CSNK2A2IP: variants seen among roughly 807,000 people sequenced by gnomAD.
CSNK2A2IP encodes the protein casein kinase 2 subunit alpha' interacting protein.
chr3:88,355,599 A>G, the CSNK2A2IP span, among the ~76,000 whole-genome samples: 1 of 152,162 alleles, frequency 6.6e-6, no homozygotes, highest in Admixed American at 6.6e-5. Context: ...GTTTTTATTC[A>G]GTTAAAATAC....
the CSNK2A2IP span, among the ~76,000 whole-genome samples, chr3:88,379,369 C>T: frequency 6.6e-6 from 1 of 152,040 alleles, no homozygotes; most frequent in Non-Finnish European, 1.5e-5. Context: ...ATATACTGGA[C>T]ATTTATCTAA....
chr3:88,408,927 A>G, the CSNK2A2IP span, among the ~76,000 whole-genome samples: 5 of 151,994 alleles, frequency 3.3e-5, no homozygotes, highest in Non-Finnish European at 7.4e-5. Flanking sequence ...TTTAATCAAA[A>G]TAAGTCAGCC....
At chr3:88,410,632 G>A in the CSNK2A2IP span, among the ~76,000 whole-genome samples, 2 of 151,898 alleles carry the variant, frequency 1.3e-5, no homozygotes, top group Non-Finnish European at 2.9e-5. Flanking sequence ...ATCTCCTAAA[G>A]TTTAGTCATC....
chr3:88,405,338 C>G, the CSNK2A2IP span, among the ~76,000 whole-genome samples: 1 of 152,108 alleles, frequency 6.6e-6, no homozygotes, highest in Non-Finnish European at 1.5e-5. Context: ...GGAGACTGAT[C>G]TGTGTATCAA....
At chr3:88,466,453 A>C in the CSNK2A2IP span, 2 of 1,231,868 alleles carry the variant, frequency 1.6e-6, no homozygotes, top group Admixed American at 4.2e-5. Flanking sequence ...CCATCCAAAA[A>C]CAAACATCTC....
the CSNK2A2IP span, among the ~76,000 whole-genome samples, chr3:88,387,047 G>C: frequency 6.6e-6 from 1 of 152,120 alleles, no homozygotes; most frequent in Non-Finnish European, 1.5e-5. Flanking sequence ...ACATGAAGAT[G>C]AAAGTGAATA....
the CSNK2A2IP span, among the ~76,000 whole-genome samples, chr3:88,395,220 A>G: frequency 6.6e-6 from 1 of 152,146 alleles, no homozygotes; most frequent in Non-Finnish European, 1.5e-5. Context: ...CCAATTATCA[A>G]TTTTTATGGT....
chr3:88,456,848 G>A, the CSNK2A2IP span, among the ~76,000 whole-genome samples: 1 of 151,556 alleles, frequency 6.6e-6, no homozygotes, highest in South Asian at 2.1e-4. Context: ...AGACTGTTTT[G>A]GCTATTGCTG....
chr3:88,414,270 G>GTTTTT, the CSNK2A2IP span, among the ~76,000 whole-genome samples: 220 of 64,100 alleles, frequency 3.4e-3, 37 homozygotes, highest in African/African-American at 0.012. Flanking sequence ...TACCAACAAA[G>GTTTTT]TTTTTTTTTT....
chr3:88,393,427 A>C, the CSNK2A2IP span, among the ~76,000 whole-genome samples: 1 of 152,206 alleles, frequency 6.6e-6, no homozygotes, highest in Non-Finnish European at 1.5e-5. Context: ...GTAGTAGATA[A>C]TTTGTTGAAT....
chr3:88,391,552 C>T, the CSNK2A2IP span, among the ~76,000 whole-genome samples: 1 of 152,052 alleles, frequency 6.6e-6, no homozygotes, highest in Admixed American at 6.5e-5. Context: ...TTGTTTCATC[C>T]TTTGTTGTTC....
At chr3:88,362,733 G>C in the CSNK2A2IP span, among the ~76,000 whole-genome samples, 1 of 152,144 alleles carries the variant, frequency 6.6e-6, no homozygotes. Context: ...TTTCAGTTTA[G>C]GTGGATCTAG....
At chr3:88,379,888 ATC>A in the CSNK2A2IP span, among the ~76,000 whole-genome samples, 11 of 152,122 alleles carry the variant, frequency 7.2e-5, no homozygotes, top group Non-Finnish European at 1.3e-4. Context: ...TGCTAAGGCT[ATC>A]TCATGCAGAT....
the CSNK2A2IP span, among the ~76,000 whole-genome samples, chr3:88,377,017 CA>C: frequency 6.6e-6 from 1 of 151,738 alleles, no homozygotes; most frequent in Non-Finnish European, 1.5e-5. Context: ...ATTTTACCTA[CA>C]AAAAGAAGGC....
At chr3:88,447,246 G>A in the CSNK2A2IP span, among the ~76,000 whole-genome samples, 3 of 152,064 alleles carry the variant, frequency 2.0e-5, no homozygotes, top group African/African-American at 7.2e-5. Flanking sequence ...TGATTTTCAA[G>A]TTATGAATAT....
chr3:88,413,703 C>T, the CSNK2A2IP span, among the ~76,000 whole-genome samples: 3 of 151,904 alleles, frequency 2.0e-5, no homozygotes, highest in African/African-American at 7.3e-5. Flanking sequence ...TTTTTCTGTA[C>T]TGCCCTTTCA....
chr3:88,411,276 C>T, the CSNK2A2IP span, among the ~76,000 whole-genome samples: 1 of 151,786 alleles, frequency 6.6e-6, no homozygotes, highest in Admixed American at 6.6e-5. Flanking sequence ...TTGTTTCTTC[C>T]TAATTGAGAC....
chr3:88,399,388 G>A, the CSNK2A2IP span, among the ~76,000 whole-genome samples: 1 of 152,072 alleles, frequency 6.6e-6, no homozygotes, highest in Non-Finnish European at 1.5e-5. Flanking sequence ...TGATTATCCA[G>A]GATCAGTTGA....
At chr3:88,353,378 A>T in the CSNK2A2IP span, among the ~76,000 whole-genome samples, 66,687 of 152,086 alleles carry the variant, frequency 0.44, 15,881 homozygotes, top group South Asian at 0.62. Flanking sequence ...GATGGTATTA[A>T]TAAATTGGAT....
Sources: gnomAD v4.1 joint callset for allele counts (sites outside exome capture counted in the v4.1 genomes callset) on GRCh38, gnomAD v4.1.1 for gene constraint, MANE v1.5 for transcripts, NCBI Gene and HGNC (gene_info 2026-07-23, HGNC 2026-07-21) for gene names.